Variants in PTPN5 observed in about 807,000 individuals in gnomAD.
PTPN5 encodes tyrosine-protein phosphatase non-receptor type 5.
A neutral mutation model predicts 73.9 loss-of-function variants in PTPN5; 29 were observed. That is an observed-to-expected ratio of 0.39 (90% CI 0.29 to 0.54). The LOEUF (loss-of-function observed/expected upper bound fraction) is 0.54, where lower values mean the gene tolerates loss of function less well. PTPN5 is among the 20% of genes least tolerant of loss of function. The probability of loss-of-function intolerance (pLI) is 0.65; values close to 1 mark genes in which losing one functional copy is unlikely to be tolerated. For missense variants in PTPN5, 652 were observed against 751.4 expected (o/e 0.87, Z 1.55); for synonymous variants, 267 against 304.7 (o/e 0.88, Z 1.29).
At chr11:18,736,272 C>G (rs1037721168) in intron 9 of PTPN5, among the ~76,000 whole-genome samples, 3 of 152,192 alleles carry the variant, frequency 2.0e-5, no homozygotes, top group Non-Finnish European at 4.4e-5. Context: ...ACCTCCATCT[C>G]TACAAAAATT....
At chr11:18,737,723 G>T (rs1849177319) in intron 9 of PTPN5, among the ~76,000 whole-genome samples, 157 bp downstream of exon 9, 1 of 152,088 alleles carries the variant, frequency 6.6e-6, no homozygotes, top group Non-Finnish European at 1.5e-5. Context: ...GCCTCACCAG[G>T]GCAGCGCTTC....
chr11:18,790,974 TG>T (rs1466933424), intron 1 of PTPN5, among the ~76,000 whole-genome samples: 1 of 152,120 alleles, frequency 6.6e-6, no homozygotes, highest in African/African-American at 2.4e-5. Context: ...TCTCCGGTTT[TG>T]CAGGAGCCTG....
At chr11:18,736,155 C>A (rs1427280618) in intron 9 of PTPN5, among the ~76,000 whole-genome samples, 1 of 152,002 alleles carries the variant, frequency 6.6e-6, no homozygotes, top group African/African-American at 2.4e-5. Context: ...TAGGTGCAGA[C>A]CCCGGCATGG....
Position 18,728,857 on chromosome 11 carries a change from G to T in PTPN5, c.*77C>A. ...GGGAGGAAGCGGGGAGCAGGCCCAG[G>T]ACCCGAGGCAGGGCCCTGGGTGAGG... On this transcript the variant is annotated 3_prime_UTR_variant, in exon 15 of 15. Coordinates refer to ENST00000358540, the MANE Select transcript of PTPN5 (RefSeq NM_006906.2). The surrounding 1 kb of genome is among the most constrained non-coding windows in gnomAD (Gnocchi z 4.1). 1.4e-6 allele frequency: 2 copies of T among 1,434,592 alleles called. No homozygotes were observed. The highest frequency in any genetic ancestry group is 2.6e-5 in the South Asian group (2 of 77,614). The allele number at this position is 1,434,592 out of a possible 1,614,324, so 88.9% of individuals were successfully genotyped here.
At chr11:18,758,706 T>C (rs1850259510) in intron 3 of PTPN5, among the ~76,000 whole-genome samples, 1 of 151,598 alleles carries the variant, frequency 6.6e-6, no homozygotes, top group Admixed American at 6.6e-5. Context: ...ATATAAAGAA[T>C]TCCTGAGAGC....
chr11:18,781,561 C>T (rs1851432631), intron 1 of PTPN5, among the ~76,000 whole-genome samples: 3 of 152,050 alleles, frequency 2.0e-5, no homozygotes, highest in Admixed American at 6.5e-5. Context: ...CTCAAGTGAT[C>T]CACCCGCCTC....
At chr11:18,782,519 C>T (rs910654492) in intron 1 of PTPN5, among the ~76,000 whole-genome samples, 54 of 152,188 alleles carry the variant, frequency 3.5e-4, no homozygotes, top group Non-Finnish European at 1.9e-4. Context: ...TGAGCCACTG[C>T]GTCTGGCTTC....
At chr11:18,763,187 G>A (rs558220906) in intron 3 of PTPN5, among the ~76,000 whole-genome samples, 1 of 152,294 alleles carries the variant, frequency 6.6e-6, no homozygotes, top group African/African-American at 2.4e-5. Context: ...GGACTTCCCA[G>A]AGGAAGGACA....
At position 18,733,658 on chromosome 11, in the gene PTPN5, AG is replaced by A. The variant is rs763421903; in HGVS notation, c.1001-24del. ...GGTCTGGGGTGGTGGGAGACAAGTA[AG>A]GCTGGAAACTGGGCCCTCTGGTGCA... is the stretch of plus-strand genomic sequence containing the variant. On this transcript the variant is annotated intron_variant, in intron 9 of 14. Transcript: ENST00000358540. The surrounding 1 kb of genome is among the most constrained non-coding windows in gnomAD (Gnocchi z 4.3). 6.8e-6 allele frequency: 11 copies of A among 1,613,064 alleles called. No homozygotes were observed. Among genetic ancestry groups the A allele is most frequent in the Admixed American group, 1.7e-5 (1 of 60,000 alleles).
At chr11:18,748,935 G>C (rs1849759499) in intron 3 of PTPN5, among the ~76,000 whole-genome samples, 1 of 152,168 alleles carries the variant, frequency 6.6e-6, no homozygotes, top group Non-Finnish European at 1.5e-5. Context: ...AGGCCCGTTT[G>C]TTCTTTTGGG....
chr11:18,731,923 G>T (rs1363910653), intron 12 of PTPN5, among the ~76,000 whole-genome samples: 1 of 152,096 alleles, frequency 6.6e-6, no homozygotes, highest in Non-Finnish European at 1.5e-5. Flanking sequence ...CCCTAAACAT[G>T]GGTCTTATTT....
rs1849465943 is a variant in PTPN5 at position 18,743,417 on chromosome 11, C to A, written c.304G>T (p.Val102Leu). 1 of 1,614,064 alleles carries A rather than the reference C, an allele frequency of 6.2e-7. No homozygotes were observed. Among genetic ancestry groups the A allele is most frequent in the Non-Finnish European group, 8.5e-7 (1 of 1,179,984 alleles). ...AASQFLLACG[V>L]LWFSGYGHIW... ...TGGCCATAACCGCTGAACCAGAGCACCCCACAGGCAAGCTGGGGCACAGGG... is the reference window on the plus strand; with the variant it reads ...TGGCCATAACCGCTGAACCAGAGCAACCCACAGGCAAGCTGGGGCACAGGG... Residue 102 changes from valine (V) to leucine (L), a missense_variant, in exon 5 of 15, where the codon GTG becomes TTG. Coordinates refer to ENST00000358540, the MANE Select transcript of PTPN5 (RefSeq NM_006906.2).
In PTPN5 at chr11:18,728,861, C is replaced by A; in HGVS notation, c.*73G>T. ...GGAAGCGGGGAGCAGGCCCAGGACC[C>A]GAGGCAGGGCCCTGGGTGAGGGCCG... On this transcript the variant is annotated 3_prime_UTR_variant, in exon 15 of 15. Transcript: ENST00000358540. This position sits in a 1 kb window ranked among gnomAD's most constrained non-coding sequence, Gnocchi z 4.1. 1 of 1,483,534 alleles carries A rather than the reference C, an allele frequency of 6.7e-7. No homozygotes were observed. Among genetic ancestry groups the A allele is most frequent in the Non-Finnish European group, 9.2e-7 (1 of 1,089,662 alleles). The allele number at this position is 1,483,534 out of a possible 1,614,324, so 91.9% of individuals were successfully genotyped here.
rs751209006 is a variant in PTPN5, at chr11:18,733,313, G to A, written c.1140C>T (p.Val380=). 16 of 1,613,992 alleles carry A rather than the reference G, an allele frequency of 9.9e-6. No individual in the cohort carries two copies. Among genetic ancestry groups the A allele is most frequent in the East Asian group, 2.2e-5 (1 of 44,888 alleles). The stretch of plus-strand genomic sequence containing the variant: ...GCCACACCATGCGCCAGAAGTCGGC[G>A]ACCGTGCTGACGATGGGTCCCTGAG... ...IATQGPIVST[V]ADFWRMVWQE... The change falls in exon 11 of 15, where the codon GTC becomes GTT. Residue 380 remains valine, a synonymous_variant. Transcript: ENST00000358540. The surrounding 1 kb of genome is among the most constrained non-coding windows in gnomAD (Gnocchi z 4.3).
intron 3 of PTPN5, among the ~76,000 whole-genome samples, chr11:18,761,914 G>A (rs1052201545): frequency 1.3e-5 from 2 of 152,206 alleles, no homozygotes; most frequent in African/African-American, 4.8e-5. Context: ...CTGCAGGGCT[G>A]TGTGAGACAG....
chr11:18,732,635 A>G lies in PTPN5; in HGVS notation c.1286T>C (p.Val429Ala). The G allele has an allele frequency of 6.2e-7, 1 of 1,613,952 alleles. No homozygotes were observed. Among genetic ancestry groups the G allele is most frequent in the Non-Finnish European group, 8.5e-7 (1 of 1,180,010 alleles). ...YDGVEITVQKVIHTEDYRLRL... is the reference protein window; with the variant it reads ...YDGVEITVQKAIHTEDYRLRL... The stretch of plus-strand genomic sequence containing the variant: ...CAGCCGGTAATCCTCCGTGTGAATG[A>G]CTTTCTGCACAGTGATCTCAACACC... Residue 429 changes from valine (V) to alanine (A), a missense_variant, in exon 12 of 15, where the codon GTC becomes GCC. This residue lies in a region of PTPN5 where 529 missense variants were observed against 573.9 expected (regional missense o/e 0.92). Coordinates refer to ENST00000358540, the MANE Select transcript of PTPN5 (RefSeq NM_006906.2).
chr11:18,744,111 G>A lies in PTPN5; in HGVS notation c.186C>T (p.Pro62=), dbSNP rs1448413763. ...TCTGAGCTGGATCTGAGGGCGGCGA[G>A]GGAGGAGGGGGTGGCGGCATCTCTC... ...SQREMPPPPP[P]SPPSDPAQKP... The change falls in exon 4 of 15, where the codon CCC becomes CCT. Residue 62 remains proline, a synonymous_variant. Transcript: ENST00000358540. 6.2e-7 allele frequency: 1 copy of A among 1,610,990 alleles called. No homozygotes were observed. Among genetic ancestry groups the A allele is most frequent in the Non-Finnish European group, 8.5e-7 (1 of 1,178,872 alleles).
At chr11:18,791,497 A>T (rs1259556118) in intron 1 of PTPN5, 28 bp downstream of exon 1, 1 of 152,066 alleles carries the variant, frequency 6.6e-6, no homozygotes. Flanking sequence ...TCCGCACACA[A>T]AGGCGCAGAC....
At position 18,731,202 on chromosome 11, in the gene PTPN5, A is replaced by G. The variant is rs889079081; in HGVS notation, c.1330-1384T>C. Among the ~76,000 whole-genome samples the G allele has an allele frequency of 6.8e-5, 10 of 147,956 alleles. No homozygotes were observed. The East Asian group carries it at 1.4e-3, about 20-fold the overall frequency. ...TATATATTATATATTTATATTATAT[A>G]TATTTTATATATAGGTATAATAGGA... On this transcript the variant is annotated intron_variant, in intron 12 of 14. Coordinates refer to ENST00000358540, the MANE Select transcript of PTPN5 (RefSeq NM_006906.2).
Sources: allele counts gnomAD v4.1 joint callset (sites outside exome capture counted in the v4.1 genomes callset), GRCh38; gene constraint gnomAD v4.1.1; regional missense constraint gnomAD v4.1.1; non-coding constraint Gnocchi (gnomAD v3.1); transcripts MANE v1.5; gene names NCBI Gene and HGNC (gene_info 2026-07-23, HGNC 2026-07-21).